The following TTLL12 variants were observed in gnomAD, a reference collection of about 807,000 sequenced individuals.
TTLL12 encodes tubulin--tyrosine ligase-like protein 12.
A neutral mutation model predicts 79.6 loss-of-function variants in TTLL12; 77 were observed. That is an observed-to-expected ratio of 0.97 (90% CI 0.81 to 1.17). TTLL12 has a LOEUF of 1.17. TTLL12 is among the 50% of genes most tolerant of loss of function. The pLI is 0.00. For missense variants in TTLL12, 969 were observed against 895.9 expected (o/e 1.08, Z -1.04); for synonymous variants, 437 against 376.1 (o/e 1.16, Z -1.87).
rs554619232 is a variant in TTLL12 at position 43,179,981 on chromosome 22, G to A, written c.566C>T (p.Pro189Leu). The change falls in exon 4 of 14, where the codon CCG becomes CTG. Residue 189 changes from proline to leucine, a missense_variant. Pro to Leu is a moderately conservative substitution (Grantham distance 98). Transcript: ENST00000216129. ...GAACTCGTCCATGATATACCACACC[G>A]GCATCTTCTCCTCAGCTGTCTGCAG... Reference protein sequence around the residue: ...LAHGTAEEKMPVWYIMDEFGS... With the variant: ...LAHGTAEEKMLVWYIMDEFGS... The A allele has an allele frequency of 1.6e-5, 26 of 1,603,094 alleles. No homozygotes were observed. Among genetic ancestry groups the A allele is most frequent in the African/African-American group, 1.3e-4 (10 of 74,902 alleles).
At chr22:43,176,203 G>A (rs945222542) in intron 6 of TTLL12, 117 bp downstream of exon 6, 7 of 752,112 alleles carry the variant, frequency 9.3e-6, no homozygotes, top group East Asian at 5.4e-5. Flanking sequence ...ACAGGATGCG[G>A]CTGACTTGCT....
chr22:43,183,270 T>A, intron 1 of TTLL12, 121 bp from the exon 2 acceptor site: 1 of 1,252,726 alleles, frequency 8.0e-7, no homozygotes, highest in South Asian at 1.4e-5. Flanking sequence ...CTTGTCTCCT[T>A]CAGAGGTGTG....
At chr22:43,184,166 C>G (rs1225256023) in intron 1 of TTLL12, among the ~76,000 whole-genome samples, 1 of 152,226 alleles carries the variant, frequency 6.6e-6, no homozygotes, top group Non-Finnish European at 1.5e-5. Context: ...TGCATAAAGT[C>G]CTGGCGCACA....
rs777652887 is a variant in TTLL12 at position 43,171,777 on chromosome 22, G to A, written c.1575+42C>T. 1.8e-5 allele frequency: 29 copies of A among 1,579,288 alleles called. No individual in the cohort carries two copies. The Admixed American group carries it at 4.8e-4, about 26-fold the overall frequency. Reference sequence around the variant, plus strand: ...GGCGGGGTGGGGTCGGGTGTGCCCTGGCCTCTGTGTGAACCTGCTCTGCAC... The same window carrying A: ...GGCGGGGTGGGGTCGGGTGTGCCCTAGCCTCTGTGTGAACCTGCTCTGCAC... On this transcript the variant is annotated intron_variant, in intron 11 of 13. Coordinates refer to ENST00000216129, the MANE Select transcript of TTLL12 (RefSeq NM_015140.4).
At chr22:43,185,472 G>C (rs1230715517) in intron 1 of TTLL12, among the ~76,000 whole-genome samples, 9 of 151,970 alleles carry the variant, frequency 5.9e-5, no homozygotes, top group South Asian at 4.1e-4. Flanking sequence ...AGGAAGAGCT[G>C]CAAGTTTGTG....
intron 1 of TTLL12, chr22:43,185,822 T>C: frequency 2.6e-6 from 1 of 379,180 alleles, no homozygotes; most frequent in Non-Finnish European, 3.6e-6. Context: ...CATGGGAACC[T>C]TTTTGTCCTC....
chr22:43,184,193 G>A (rs1017261416), intron 1 of TTLL12, among the ~76,000 whole-genome samples: 2 of 152,214 alleles, frequency 1.3e-5, no homozygotes, highest in African/African-American at 4.8e-5. Flanking sequence ...GCTCAACAAA[G>A]GCCAGTTCCT....
rs757128193 is a variant in TTLL12 at position 43,171,914 on chromosome 22, G to A, written c.1494-14C>T. ...AGTGCAAAGGCCCTGGAAGACAAGT[G>A]TGCAGACACATATGGGTTCTTGAGC... On this transcript the variant is annotated splice_polypyrimidine_tract_variant and intron_variant, in intron 10 of 13. Coordinates refer to ENST00000216129, the MANE Select transcript of TTLL12 (RefSeq NM_015140.4). The A allele has an allele frequency of 2.2e-5, 36 of 1,612,998 alleles. No individual in the cohort carries two copies. The South Asian group carries it at 3.4e-4, about 15-fold the overall frequency.
Position 43,171,871 on chromosome 22 carries a change from T to C in TTLL12, c.1523A>G (p.Tyr508Cys). The change falls in exon 11 of 14, where the codon TAC (tyrosine) becomes TGC (cysteine). Residue 508 changes from tyrosine (Y) to cysteine (C), a missense_variant. Tyr to Cys is a radical substitution (Grantham distance 194). Coordinates refer to ENST00000216129, the MANE Select transcript of TTLL12 (RefSeq NM_015140.4). ...GTTCATGACCGTGAAGTGCTTCTCG[T>C]AGTCATCCAGGTCGTTGAGTGCAAA... ...RAFALNDLDDYEKHFTVMNYD... is the reference protein window; with the variant it reads ...RAFALNDLDDCEKHFTVMNYD... 6.2e-7 allele frequency: 1 copy of C among 1,614,186 alleles called. No individual in the cohort carries two copies. Among genetic ancestry groups the C allele is most frequent in the Non-Finnish European group, 8.5e-7 (1 of 1,180,014 alleles).
At chr22:43,171,694 A>G (rs1329782731) in intron 11 of TTLL12, 125 bp downstream of exon 11, 8 of 706,436 alleles carry the variant, frequency 1.1e-5, no homozygotes, top group Non-Finnish European at 1.7e-5. Context: ...CATAGCAGGA[A>G]CTCAGGAGGC....
At chr22:43,177,838 G>A (rs1405858756) in intron 5 of TTLL12, among the ~76,000 whole-genome samples, 1 of 152,224 alleles carries the variant, frequency 6.6e-6, no homozygotes, top group East Asian at 1.9e-4. Flanking sequence ...AATGTTTACT[G>A]TTTTAAGGTG....
intron 5 of TTLL12, 132 bp from the exon 6 acceptor site, chr22:43,176,528 G>C (rs111911795): frequency 5.5e-6 from 4 of 731,522 alleles, no homozygotes; most frequent in Admixed American, 4.3e-5. Flanking sequence ...TCAGGAGCTC[G>C]AGACCAGCCT....
intron 11 of TTLL12, 123 bp from the exon 12 acceptor site, chr22:43,169,691 C>A: frequency 2.1e-6 from 2 of 967,992 alleles, no homozygotes; most frequent in Non-Finnish European, 3.2e-6. Context: ...AGCAGGCAGC[C>A]AACCCCGAAC....
chr22:43,173,331 G>C lies in TTLL12; in HGVS notation c.1341+384C>G, dbSNP rs1931813466. 2.6e-5 allele frequency among the ~76,000 whole-genome samples: 4 copies of C among 152,060 alleles called. No individual in the cohort carries two copies. In the South Asian group the frequency reaches 8.3e-4, roughly 31 times the overall value. On this transcript the variant is annotated intron_variant, in intron 9 of 13. Transcript: ENST00000216129. ...CACCCAGGACAGTTCTTTTTTTAAA[G>C]ACTGGGTCTTGCTCTGTCGCCCAGG... is the stretch of plus-strand genomic sequence containing the variant.
At chr22:43,186,786 TCACCGCGGCTCCCGCCGCC>T in intron 1 of TTLL12, 88 bp downstream of exon 1, 1 of 1,117,290 alleles carries the variant, frequency 9.0e-7, no homozygotes, top group Non-Finnish European at 1.1e-6. Context: ...TCTGGGTGGC[TCACCGCGGCTCCCGCCGCC>T]CGGGAGCGCT....
rs756616696 is a variant in TTLL12 at position 43,174,358 on chromosome 22, G to A, written c.1080C>T (p.Pro360=). 6.3e-7 allele frequency: 1 copy of A among 1,592,036 alleles called. No homozygotes were observed. The highest frequency in any genetic ancestry group is 8.6e-7 in the Non-Finnish European group (1 of 1,166,272). ...ERPGVLLNQF[P]CENLLTVKDC... Reference sequence around the variant, plus strand: ...CCTTGACAGTCAGCAGGTTCTCGCAGGGGAACTGGTTCAGCAGCACGCCTG... The same window carrying A: ...CCTTGACAGTCAGCAGGTTCTCGCAAGGGAACTGGTTCAGCAGCACGCCTG... The change falls in exon 8 of 14, where the codon CCC becomes CCT. Residue 360 remains proline, a synonymous_variant. Transcript: ENST00000216129.
intron 13 of TTLL12, 43 bp downstream of exon 13, chr22:43,168,731 G>C: frequency 6.5e-7 from 1 of 1,544,236 alleles, no homozygotes; most frequent in Non-Finnish European, 8.7e-7. Flanking sequence ...TGGCGGAGGG[G>C]GCGCCTGCTG....
rs770979898 is a variant in TTLL12, at chr22:43,176,306, G to T, written c.917+14C>A. 5.1e-6 allele frequency: 8 copies of T among 1,573,456 alleles called. No individual in the cohort carries two copies. The highest frequency in any genetic ancestry group is 3.5e-5 in the South Asian group (3 of 86,542). On this transcript the variant is annotated intron_variant, in intron 6 of 13. Transcript: ENST00000216129. Reference sequence around the variant, plus strand: ...GACAAGTCCCAGCCCAAGCAGTGGGGGGGGGCTACGCACTTGAAGATGTGG... The same window carrying T: ...GACAAGTCCCAGCCCAAGCAGTGGGTGGGGGCTACGCACTTGAAGATGTGG...
intron 8 of TTLL12, 112 bp downstream of exon 8, chr22:43,174,097 G>A (rs1003329263): frequency 6.5e-6 from 9 of 1,395,164 alleles, no homozygotes; most frequent in East Asian, 2.3e-5. Context: ...CCCACAGCTC[G>A]GCTCCTGCAC....
Sources: gnomAD v4.1 joint callset for allele counts (sites outside exome capture counted in the v4.1 genomes callset) on GRCh38, gnomAD v4.1.1 for gene constraint, MANE v1.5 for transcripts, NCBI Gene and HGNC (gene_info 2026-07-23, HGNC 2026-07-21) for gene names.